ABCC8: variants seen among roughly 807,000 people sequenced by gnomAD.
ABCC8 encodes the protein ATP-binding cassette sub-family C member 8.
ABCC8 carries 137 observed loss-of-function variants against 188.0 expected under a neutral mutation model. The observed-to-expected ratio is 0.73, with a 90% CI of 0.63 to 0.84. The LOEUF (loss-of-function observed/expected upper bound fraction) is 0.84, where lower values mean the gene tolerates loss of function less well. ABCC8 is among the 40% of genes least tolerant of loss of function. The pLI is 0.00. For missense variants in ABCC8, 1,750 were observed against 2,072.7 expected (o/e 0.84, Z 3.02); for synonymous variants, 797 against 846.5 (o/e 0.94, Z 1.01).
At chr11:17,433,408 C>G (rs1013998797) in intron 10 of ABCC8, among the ~76,000 whole-genome samples, 27 of 152,358 alleles carry the variant, frequency 1.8e-4, no homozygotes, top group African/African-American at 6.0e-4. Flanking sequence ...GTCTTGGACA[C>G]TCTGATGAAG....
Position 17,410,598 on chromosome 11 carries a change from C to A in ABCC8, c.2612G>T (p.Gly871Val). 1 of 1,614,094 alleles carries A rather than the reference C, an allele frequency of 6.2e-7. No individual in the cohort carries two copies. Among genetic ancestry groups the A allele is most frequent in the Non-Finnish European group, 8.5e-7 (1 of 1,180,016 alleles). The part of the protein sequence containing the change: ...IHLSDHLMQA[G>V]ILELLRDDKR... ...GTCGTCCCGGAGCAGCTCAAGGATG[C>A]CGGCCTGCATTAAGTGGTCACTCAG... The change falls in exon 22 of 39, where the codon GGC (glycine) becomes GTC (valine). Residue 871 changes from glycine to valine, a missense_variant. Transcript: ENST00000389817.
rs1554933031 is a variant in ABCC8 at position 17,442,762 on chromosome 11, TCTC to T, written c.1585_1587del (p.Glu529del). On this transcript the variant is annotated inframe_deletion, in exon 10 of 39. Transcript: ENST00000389817. ...ATGGCAAAGGCCCTGAGGCTGGTCA[TCTC>T]CTTCCTGCGGGTCGTCTCCACCCGC... 1.2e-6 allele frequency: 2 copies of T among 1,613,926 alleles called. No homozygotes were observed. Among genetic ancestry groups the T allele is most frequent in the East Asian group, 4.5e-5 (2 of 44,868 alleles).
At chr11:17,461,312 T>G (rs1957179854) in intron 5 of ABCC8, 1 of 524,928 alleles carries the variant, frequency 1.9e-6, no homozygotes, top group African/African-American at 1.9e-5. Flanking sequence ...TCACTTCCCT[T>G]CTCAGAGCCT....
chr11:17,398,601 A>G lies in ABCC8; in HGVS notation c.3651-160T>C, dbSNP rs1954067320. The G allele has an allele frequency of 2.9e-6, 4 of 1,398,874 alleles. No homozygotes were observed. The East Asian group carries it at 7.6e-5, about 26-fold the overall frequency. The allele number at this position is 1,398,874 out of a possible 1,614,324, so 86.7% of individuals were successfully genotyped here. ...TATCCCTCTCTGGAATGTCCACCCC[A>G]CTCCTTTCTGCTTATTCAAACCTGT... On this transcript the variant is annotated intron_variant, in intron 29 of 38. Transcript: ENST00000389817.
rs762215812 is a variant in ABCC8, at chr11:17,392,968, G to T, written c.*23C>A. ...GGGTATGGGCAGGGTCCGAATGTGG[G>T]ATGGCACTTGGGCTCTGGCAGGTCA... is the stretch of plus-strand genomic sequence containing the variant. On this transcript the variant is annotated 3_prime_UTR_variant, in exon 39 of 39. Transcript: ENST00000389817. 5.6e-6 allele frequency: 9 copies of T among 1,613,308 alleles called. No individual in the cohort carries two copies. Among genetic ancestry groups the T allele is most frequent in the Non-Finnish European group, 7.6e-6 (9 of 1,179,526 alleles).
rs1954644972 is a variant in ABCC8, at chr11:17,408,448, G to A, written c.2764C>T (p.Gln922Ter). The change falls in exon 23 of 39, where the codon CAG becomes TAG. Residue 922 changes from glutamine (Q) to a stop codon, truncating the protein, a stop_gained. Transcript: ENST00000389817. LOFTEE classifies it high-confidence loss of function. ...AGGGTCTTCCAGTGCTCAAAGAGCT[G>A]GCATTCAGACCTCTGGAAGTCCTTG... ...TLKDFQRSECQLFEHWKTLMN... is the reference protein window; with the variant it reads ...TLKDFQRSEC The A allele has an allele frequency of 6.2e-7, 1 of 1,613,810 alleles. No individual in the cohort carries two copies. Among genetic ancestry groups the A allele is most frequent in the Non-Finnish European group, 8.5e-7 (1 of 1,180,024 alleles).
rs1299275256 is a variant in ABCC8 at position 17,403,278 on chromosome 11, C to T, written c.3558-525G>A. 3.9e-5 allele frequency among the ~76,000 whole-genome samples: 6 copies of T among 152,168 alleles called. No homozygotes were observed. In the East Asian group the frequency reaches 1.2e-3, roughly 29 times the overall value. ...GAGGTTTCCATGGCAACAGAATTGC[C>T]TCCTGCTCCCCAAAGCTGCACCTCG... On this transcript the variant is annotated intron_variant, in intron 28 of 38. Coordinates refer to ENST00000389817, the MANE Select transcript of ABCC8 (RefSeq NM_000352.6).
intron 3 of ABCC8, 38 bp from the exon 4 acceptor site, chr11:17,463,642 G>GTA: frequency 1.9e-6 from 3 of 1,555,442 alleles, no homozygotes; most frequent in Non-Finnish European, 2.6e-6. Context: ...AGACGTGTGT[G>GTA]CATCATGTGT....
chr11:17,464,641 C>A (rs973502555), intron 3 of ABCC8, among the ~76,000 whole-genome samples: 4 of 152,214 alleles, frequency 2.6e-5, no homozygotes, highest in African/African-American at 4.8e-5. Flanking sequence ...AGATTTAAGA[C>A]CTGGGGAAGG....
At chr11:17,470,951 T>A (rs1848446859) in intron 2 of ABCC8, among the ~76,000 whole-genome samples, 1 of 152,166 alleles carries the variant, frequency 6.6e-6, no homozygotes, top group Admixed American at 6.5e-5. Flanking sequence ...GTCGTGATCA[T>A]GCCCTTCCAC....
At chr11:17,472,144 A>G (rs1435291016) in intron 2 of ABCC8, among the ~76,000 whole-genome samples, 5 of 152,254 alleles carry the variant, frequency 3.3e-5, no homozygotes, top group Non-Finnish European at 5.9e-5. Context: ...TTAAAATTTT[A>G]TAAGACGAAA....
chr11:17,476,492 C>T lies in ABCC8; in HGVS notation c.148+137G>A, dbSNP rs549422043. On this transcript the variant is annotated intron_variant, in intron 1 of 38. Coordinates refer to ENST00000389817, the MANE Select transcript of ABCC8 (RefSeq NM_000352.6). ...AGTGCGGGGACCGGCGGGCAGGACA[C>T]AGGGCAGGGGACCCCGGGAACGAGG... The T allele has an allele frequency of 9.4e-6, 10 of 1,060,622 alleles. No individual in the cohort carries two copies. The South Asian group carries it at 1.5e-4, about 16-fold the overall frequency. The allele number at this position is 1,060,622 out of a possible 1,614,324, so 65.7% of individuals were successfully genotyped here.
rs1320076563 is a variant in ABCC8 at position 17,461,565 on chromosome 11, G to C, written c.822+18C>G. The C allele has an allele frequency of 2.5e-6, 4 of 1,614,044 alleles. No homozygotes were observed. The highest frequency in any genetic ancestry group is 3.4e-6 in the Non-Finnish European group (4 of 1,180,026). Reference sequence around the variant, plus strand: ...CCAGAAGGCAGTGAATAGATGGTGTGGCTGTGCCCCCACTGACCACCTGGG... The same window carrying C: ...CCAGAAGGCAGTGAATAGATGGTGTCGCTGTGCCCCCACTGACCACCTGGG... On this transcript the variant is annotated intron_variant, in intron 5 of 38. Transcript: ENST00000389817.
At chr11:17,470,392 G>T in intron 2 of ABCC8, 170 bp from the exon 3 acceptor site, 1 of 590,362 alleles carries the variant, frequency 1.7e-6, no homozygotes, top group Non-Finnish European at 2.1e-6. Context: ...GGGCAGAGCT[G>T]CCAGTACATG....
intron 16 of ABCC8, among the ~76,000 whole-genome samples, chr11:17,424,681 A>G (rs1406190175): frequency 6.6e-6 from 1 of 152,342 alleles, no homozygotes; most frequent in East Asian, 1.9e-4. Flanking sequence ...TGAGCCCTGC[A>G]ATCCTTCTGG....
rs1254692555 is a variant in ABCC8 at position 17,435,885 on chromosome 11, A to G, written c.1631-3641T>C. ...GACACAGGGACTTCACGCATTCCAAATAAGACTCAAAGTTCCCAGGGAGTA... is the reference window on the plus strand; with the variant it reads ...GACACAGGGACTTCACGCATTCCAAGTAAGACTCAAAGTTCCCAGGGAGTA... On this transcript the variant is annotated intron_variant, in intron 10 of 38. Transcript: ENST00000389817. 5 of 1,311,066 alleles carry G rather than the reference A, an allele frequency of 3.8e-6. No individual in the cohort carries two copies. The African/African-American group carries it at 4.4e-5, about 11-fold the overall frequency. 81.2% of individuals were successfully genotyped at this position (1,311,066 alleles called of 1,614,324 possible).
intron 22 of ABCC8, 77 bp downstream of exon 22, chr11:17,410,439 G>C (rs1184219415): frequency 6.6e-7 from 1 of 1,511,498 alleles, no homozygotes; most frequent in Admixed American, 1.7e-5. Context: ...CCAAGACAAC[G>C]GATTGGTTCC....
intron 10 of ABCC8, among the ~76,000 whole-genome samples, chr11:17,439,694 CA>C (rs1242631528): frequency 6.6e-6 from 1 of 152,206 alleles, no homozygotes; most frequent in Non-Finnish European, 1.5e-5. Flanking sequence ...AAGCTCTCCC[CA>C]GGGGCTCTCC....
intron 30 of ABCC8, 185 bp from the exon 31 acceptor site, chr11:17,397,982 C>T (rs1246445888): frequency 3.9e-6 from 3 of 763,954 alleles, no homozygotes; most frequent in African/African-American, 1.9e-5. Flanking sequence ...GCCAACATGT[C>T]CCACAAGCTC....
Sources: gnomAD v4.1 joint callset for allele counts (sites outside exome capture counted in the v4.1 genomes callset) on GRCh38, gnomAD v4.1.1 for gene constraint, MANE v1.5 for transcripts, NCBI Gene and HGNC (gene_info 2026-07-23, HGNC 2026-07-21) for gene names.